The following ETFDH variants were observed in gnomAD, a reference collection of about 807,000 sequenced individuals.
ETFDH encodes the protein electron transfer flavoprotein-ubiquinone oxidoreductase, mitochondrial.
A neutral mutation model predicts 73.2 loss-of-function variants in ETFDH; 61 were observed. That is an observed-to-expected ratio of 0.83 (90% CI 0.68 to 1.03). The LOEUF (loss-of-function observed/expected upper bound fraction) is 1.03. Among genes scored for constraint, ETFDH ranks in the 50% least tolerant of loss-of-function variants. The probability of loss-of-function intolerance (pLI) is 0.00; values close to 1 mark genes in which losing one functional copy is unlikely to be tolerated. For synonymous variants in ETFDH, 243 were observed against 253.3 expected (o/e 0.96, Z 0.39); for missense variants, 685 against 745.0 (o/e 0.92, Z 0.94).
chr4:158,678,114 A>G (rs1311026110), intron 1 of ETFDH, among the ~76,000 whole-genome samples: 1 of 152,240 alleles, frequency 6.6e-6, no homozygotes, highest in African/African-American at 2.4e-5. Context: ...TTATGTAACC[A>G]TAGTATAATT....
intron 2 of ETFDH, 161 bp from the exon 3 acceptor site, chr4:158,682,034 T>A: frequency 1.1e-6 from 1 of 882,458 alleles, no homozygotes; most frequent in Non-Finnish European, 1.7e-6. Context: ...AAGAATATAA[T>A]CATACTAATA....
Position 158,685,094 on chromosome 4 carries a change from T to G in ETFDH, c.488-7T>G, listed in dbSNP as rs1263740827. ...GTCAGATTTATAAATTAAGCATATATTTATAGGGCTTCCAATGAATAATCA... is the reference window on the plus strand; with the variant it reads ...GTCAGATTTATAAATTAAGCATATAGTTATAGGGCTTCCAATGAATAATCA... On this transcript the variant is annotated splice_region_variant and splice_polypyrimidine_tract_variant and intron_variant, in intron 4 of 12. Coordinates refer to ENST00000511912, the MANE Select transcript of ETFDH (RefSeq NM_004453.4). 1 of 1,499,800 alleles carries G rather than the reference T, an allele frequency of 6.7e-7. No homozygotes were observed. Among genetic ancestry groups the G allele is most frequent in the Non-Finnish European group, 9.3e-7 (1 of 1,076,400 alleles). 92.9% of individuals were successfully genotyped at this position (1,499,800 alleles called of 1,614,324 possible).
chr4:158,676,360 A>G (rs978674138), intron 1 of ETFDH, among the ~76,000 whole-genome samples: 12 of 152,188 alleles, frequency 7.9e-5, no homozygotes, highest in Non-Finnish European at 1.3e-4. Flanking sequence ...TCTGCAAAAT[A>G]TCTCAAGTAG....
chr4:158,685,254 G>A, intron 5 of ETFDH, 35 bp downstream of exon 5: 1 of 1,118,996 alleles, frequency 8.9e-7, no homozygotes, highest in South Asian at 1.3e-5. Flanking sequence ...AATATTTATA[G>A]GAACTCTCTT....
intron 7 of ETFDH, among the ~76,000 whole-genome samples, chr4:158,697,313 T>C (rs1774333261): frequency 6.6e-6 from 1 of 152,206 alleles, no homozygotes; most frequent in Non-Finnish European, 1.5e-5. Context: ...CAGGATGGTC[T>C]CGAACTCCTG....
chr4:158,690,903 T>TAAATAAAA (rs1245632421), intron 6 of ETFDH, among the ~76,000 whole-genome samples: 2 of 151,878 alleles, frequency 1.3e-5, no homozygotes, highest in African/African-American at 4.8e-5. Context: ...AATAAATAAA[T>TAAATAAAA]AAAAATTTTT....
Position 158,673,341 on chromosome 4 carries a change from C to A in ETFDH, c.34+851C>A, listed in dbSNP as rs192180892. ...ATTAAATTAACTCTAAGGGCTTTAT[C>A]GTGTTATGGGTATTCTGTGAACCAT... On this transcript the variant is annotated intron_variant, in intron 1 of 12. Coordinates refer to ENST00000511912, the MANE Select transcript of ETFDH (RefSeq NM_004453.4). Among the ~76,000 whole-genome samples the A allele has an allele frequency of 2.0e-5, 3 of 152,266 alleles. No individual in the cohort carries two copies. The East Asian group carries it at 5.8e-4, about 29-fold the overall frequency.
At chr4:158,702,306 T>G (rs933996079) in intron 9 of ETFDH, among the ~76,000 whole-genome samples, 5 of 152,192 alleles carry the variant, frequency 3.3e-5, no homozygotes, top group African/African-American at 4.8e-5. Flanking sequence ...CTTTGTCATT[T>G]GTGTTGGTAA....
Position 158,706,298 on chromosome 4 carries a change from T to G in ETFDH, c.1395T>G (p.Tyr465Ter), listed in dbSNP as rs745714733. ...CCTGCCACGGAGTACTGGGTGTATA[T>G]GGAGGGATGATTTACACTGGAATCT... ...RPSCHGVLGV[Y>*]GGMIYTGIFY... Residue 465 changes from tyrosine to a stop codon, truncating the protein, a stop_gained, in exon 11 of 13, where the codon TAT becomes TAG. Coordinates refer to ENST00000511912, the MANE Select transcript of ETFDH (RefSeq NM_004453.4). LOFTEE classifies it high-confidence loss of function. 2 of 1,613,096 alleles carry G rather than the reference T, an allele frequency of 1.2e-6. No homozygotes were observed. Among genetic ancestry groups the G allele is most frequent in the East Asian group, 4.5e-5 (2 of 44,870 alleles).
chr4:158,677,843 C>G (rs983747044), intron 1 of ETFDH, among the ~76,000 whole-genome samples: 2 of 152,136 alleles, frequency 1.3e-5, no homozygotes, highest in African/African-American at 4.8e-5. Flanking sequence ...TTTGGAATCC[C>G]CCTGGCCAAG....
At chr4:158,692,887 AAAC>A (rs1289391861) in intron 6 of ETFDH, among the ~76,000 whole-genome samples, 1,628 of 89,366 alleles carry the variant, frequency 0.018, 11 homozygotes, top group Non-Finnish European at 0.028. Context: ...AAAAAAAAAA[AAAC>A]ATATATATAT....
intron 1 of ETFDH, among the ~76,000 whole-genome samples, 174 bp downstream of exon 1, chr4:158,672,664 G>A (rs1199246577): frequency 6.6e-6 from 1 of 152,086 alleles, no homozygotes; most frequent in Non-Finnish European, 1.5e-5. Flanking sequence ...CTCCCTCTGG[G>A]GTTGCCCCAG....
chr4:158,692,876 T>TAA (rs201333277), intron 6 of ETFDH, among the ~76,000 whole-genome samples: 98 of 105,098 alleles, frequency 9.3e-4, no homozygotes, highest in African/African-American at 3.0e-3. Context: ...AAAAAAAGAT[T>TAA]AAAAAAAAAA....
At chr4:158,678,246 C>A (rs1209274689) in intron 1 of ETFDH, among the ~76,000 whole-genome samples, 1 of 152,196 alleles carries the variant, frequency 6.6e-6, no homozygotes, top group Non-Finnish European at 1.5e-5. Flanking sequence ...GTTGGCAGGT[C>A]TCCATAGTCT....
chr4:158,698,290 C>T (rs913642242), intron 8 of ETFDH, among the ~76,000 whole-genome samples: 1 of 152,200 alleles, frequency 6.6e-6, no homozygotes, highest in Non-Finnish European at 1.5e-5. Context: ...CATGATTAGA[C>T]CTCCATATGA....
intron 5 of ETFDH, among the ~76,000 whole-genome samples, chr4:158,689,224 G>A (rs768933347): frequency 7.2e-5 from 11 of 152,084 alleles, no homozygotes; most frequent in Admixed American, 2.0e-4. Flanking sequence ...AATAAAACAC[G>A]TAGGTCCCTG....
intron 1 of ETFDH, among the ~76,000 whole-genome samples, chr4:158,676,958 A>G (rs979776212): frequency 3.3e-5 from 5 of 152,302 alleles, no homozygotes; most frequent in African/African-American, 1.2e-4. Context: ...ATATAAGTCC[A>G]TTATCGGATA....
intron 12 of ETFDH, 114 bp downstream of exon 12, chr4:158,706,964 A>G: frequency 1.4e-6 from 1 of 719,890 alleles, no homozygotes; most frequent in Non-Finnish European, 2.4e-6. Context: ...ATTGTAAATG[A>G]CTTCATCCAG....
intron 3 of ETFDH, among the ~76,000 whole-genome samples, chr4:158,683,259 C>CAATT (rs1348137430): frequency 1.3e-5 from 2 of 152,114 alleles, no homozygotes; most frequent in Non-Finnish European, 2.9e-5. Context: ...CTTAGATTGT[C>CAATT]AATTTTTTCT....
Sources: gnomAD v4.1 joint callset for allele counts (sites outside exome capture counted in the v4.1 genomes callset) on GRCh38, gnomAD v4.1.1 for gene constraint, MANE v1.5 for transcripts, NCBI Gene and HGNC (gene_info 2026-07-23, HGNC 2026-07-21) for gene names.